The following PTPRD variants were observed in gnomAD, a reference collection of about 807,000 sequenced individuals.
The protein encoded by PTPRD is receptor-type tyrosine-protein phosphatase delta.
In PTPRD, 34 loss-of-function variants were observed where a neutral mutation model predicts 214.5. The ratio of observed to expected loss-of-function variants is 0.16; its 90% CI spans 0.12 to 0.21. The LOEUF is 0.21. Ranked by LOEUF, PTPRD falls within the 10% of genes least tolerant of loss-of-function variation. The probability of loss-of-function intolerance (pLI) is 1.00; values close to 1 mark genes in which losing one functional copy is unlikely to be tolerated. For missense variants in PTPRD, 2,545 were observed against 2,398.7 expected (o/e 1.06, Z -1.27); for synonymous variants, 1,128 against 845.7 (o/e 1.33, Z -5.79).
rs66511711 is a variant in PTPRD at position 10,190,386 on chromosome 9, GAAAAAAAAAAAAAAAAAA to G, written c.-545+150559_-545+150576del. Reference sequence around the variant, plus strand: ...CTGGGCGTCAGAGACTCTATCTCCAGAAAAAAAAAAAAAAAAAAAAAAAAAAAAAAAAAACAAAAAGTC... The same window carrying G: ...CTGGGCGTCAGAGACTCTATCTCCAGAAAAAAAAAAAAAAAACAAAAAGTC... On this transcript the variant is annotated intron_variant, in intron 3 of 45. Coordinates refer to ENST00000381196, the MANE Select transcript of PTPRD (RefSeq NM_002839.4). Among the ~76,000 whole-genome samples, 8 of 50,152 alleles carry G rather than the reference GAAAAAAAAAAAAAAAAAA, an allele frequency of 1.6e-4. No homozygotes were observed. In the South Asian group the frequency reaches 3.4e-3, roughly 22 times the overall value. 32.9% of individuals were successfully genotyped at this position (50,152 alleles called of 152,430 possible).
chr9:8,533,260 C>T lies in PTPRD; in HGVS notation c.353-4481G>A, dbSNP rs550527924. ...AGGTGGTCCTAAGTAGCTCTTCTTGCCTAATCTTGCTAGGGCTCTTGCTGC... is the reference window on the plus strand; with the variant it reads ...AGGTGGTCCTAAGTAGCTCTTCTTGTCTAATCTTGCTAGGGCTCTTGCTGC... On this transcript the variant is annotated intron_variant, in intron 14 of 45. Transcript: ENST00000381196. Among the ~76,000 whole-genome samples, 15 of 152,080 alleles carry T rather than the reference C, an allele frequency of 9.9e-5. No homozygotes were observed. The South Asian group carries it at 3.1e-3, about 32-fold the overall frequency.
At chr9:10,475,281 C>A (rs932131809) in intron 2 of PTPRD, among the ~76,000 whole-genome samples, 1 of 151,762 alleles carries the variant, frequency 6.6e-6, no homozygotes, top group African/African-American at 2.4e-5. Context: ...CAAATAGACA[C>A]AATAAAAAAT....
At chr9:8,543,341 A>T (rs1264883333) in intron 14 of PTPRD, among the ~76,000 whole-genome samples, 2 of 152,330 alleles carry the variant, frequency 1.3e-5, no homozygotes, top group Non-Finnish European at 2.9e-5. Context: ...TCACTGGCAT[A>T]GCAACATGAC....
At chr9:9,758,148 C>CAA (rs3050038) in intron 6 of PTPRD, among the ~76,000 whole-genome samples, 3,413 of 114,886 alleles carry the variant, frequency 0.03, 58 homozygotes, top group Non-Finnish European at 0.044. Flanking sequence ...GTAAAAATGG[C>CAA]AAAAAAAAAA....
At chr9:8,960,506 C>T (rs1210805333) in intron 11 of PTPRD, among the ~76,000 whole-genome samples, 1 of 152,076 alleles carries the variant, frequency 6.6e-6, no homozygotes, top group East Asian at 1.9e-4. Context: ...AGAAATCTGA[C>T]ATCCAAGGTT....
chr9:10,469,043 T>A (rs1385599167), intron 2 of PTPRD, among the ~76,000 whole-genome samples: 2 of 152,156 alleles, frequency 1.3e-5, no homozygotes, highest in African/African-American at 2.4e-5. Context: ...AATGCTGAAA[T>A]TAAAAATTAT....
intron 12 of PTPRD, among the ~76,000 whole-genome samples, chr9:8,720,626 T>A (rs955666842): frequency 1.3e-5 from 2 of 152,062 alleles, no homozygotes; most frequent in African/African-American, 4.8e-5. Flanking sequence ...AATAAAAGAA[T>A]GGAAATCATT....
chr9:8,496,208 ACAAACAC>A (rs1563828337), intron 26 of PTPRD, among the ~76,000 whole-genome samples: 17 of 128,312 alleles, frequency 1.3e-4, no homozygotes, highest in East Asian at 1.2e-3. Flanking sequence ...ACACACACAC[ACAAACAC>A]ACACACACAC....
At chr9:10,288,234 A>G (rs774790876) in intron 3 of PTPRD, among the ~76,000 whole-genome samples, 15 of 152,002 alleles carry the variant, frequency 9.9e-5, no homozygotes, top group Non-Finnish European at 2.2e-4. Flanking sequence ...ACTTTAAAAA[A>G]TTAACTTAAA....
chr9:8,768,921 A>G (rs1213877638), intron 11 of PTPRD, among the ~76,000 whole-genome samples: 1 of 152,218 alleles, frequency 6.6e-6, no homozygotes, highest in African/African-American at 2.4e-5. Flanking sequence ...GGGTAGTCTA[A>G]TGCCGTTCTT....
intron 36 of PTPRD, among the ~76,000 whole-genome samples, chr9:8,399,572 C>A (rs1340696605): frequency 2.0e-5 from 3 of 150,842 alleles, no homozygotes; most frequent in Non-Finnish European, 1.5e-5. Flanking sequence ...AACAAAAAAA[C>A]ACACCTGAAA....
intron 12 of PTPRD, among the ~76,000 whole-genome samples, chr9:8,664,447 A>G (rs117412891): frequency 1.3e-5 from 2 of 152,226 alleles, no homozygotes; most frequent in African/African-American, 4.8e-5. Context: ...CACTATGGGT[A>G]CAAATACAAG....
chr9:10,483,473 C>A (rs1252889882), intron 2 of PTPRD, among the ~76,000 whole-genome samples: 3 of 151,684 alleles, frequency 2.0e-5, no homozygotes, highest in African/African-American at 7.3e-5. Context: ...AAGAAATAAT[C>A]GTCAGGGTAA....
At chr9:8,416,519 T>C (rs1406389665) in intron 35 of PTPRD, among the ~76,000 whole-genome samples, 3 of 152,170 alleles carry the variant, frequency 2.0e-5, no homozygotes, top group Non-Finnish European at 4.4e-5. Flanking sequence ...CTTCCTCTTG[T>C]CATGTCAGAG....
chr9:9,526,886 ATTTTAT>A (rs774759070), intron 8 of PTPRD, among the ~76,000 whole-genome samples: 44 of 152,242 alleles, frequency 2.9e-4, no homozygotes, highest in African/African-American at 6.5e-4. Context: ...TCAGATGTTC[ATTTTAT>A]TTTTATTATA....
intron 3 of PTPRD, among the ~76,000 whole-genome samples, chr9:10,095,890 CT>C (rs1164037608): frequency 1.3e-5 from 2 of 151,548 alleles, no homozygotes; most frequent in Non-Finnish European, 3.0e-5. Flanking sequence ...GTCATATGTA[CT>C]TTTTCCTATT....
chr9:8,543,218 C>T (rs1387455729), intron 14 of PTPRD, among the ~76,000 whole-genome samples: 4 of 152,152 alleles, frequency 2.6e-5, no homozygotes, highest in African/African-American at 4.8e-5. Context: ...TGCTCATTTT[C>T]GTTTAGTTGT....
intron 36 of PTPRD, among the ~76,000 whole-genome samples, chr9:8,391,168 G>C (rs1401712876): frequency 6.6e-6 from 1 of 151,840 alleles, no homozygotes; most frequent in Non-Finnish European, 1.5e-5. Flanking sequence ...TGAAACATAT[G>C]TTCCCAAGCT....
At chr9:10,114,653 A>G (rs1182368687) in intron 3 of PTPRD, among the ~76,000 whole-genome samples, 1 of 152,116 alleles carries the variant, frequency 6.6e-6, no homozygotes, top group African/African-American at 2.4e-5. Flanking sequence ...ATAAGTGCTT[A>G]TCAATATGAA....
Sources: gnomAD v4.1 joint callset for allele counts (sites outside exome capture counted in the v4.1 genomes callset) on GRCh38, gnomAD v4.1.1 for gene constraint, MANE v1.5 for transcripts, NCBI Gene and HGNC (gene_info 2026-07-23, HGNC 2026-07-21) for gene names.